The following ANK3 variants were observed in gnomAD, a reference collection of about 807,000 sequenced individuals.
The protein encoded by ANK3 is ankyrin 3.
ANK3 carries 57 observed loss-of-function variants against 370.9 expected under a neutral mutation model. The observed-to-expected ratio is 0.15, with a 90% CI of 0.12 to 0.19. The LOEUF is 0.19. Ranked by LOEUF, ANK3 falls within the 10% of genes least tolerant of loss-of-function variation. The pLI is 1.00. For missense variants in ANK3, 4,439 were observed against 5,302.1 expected (o/e 0.84, Z 5.06); for synonymous variants, 1,929 against 1,946.3 (o/e 0.99, Z 0.23).
At chr10:60,179,761 A>G (rs10821695) in intron 18 of ANK3, among the ~76,000 whole-genome samples, 42,601 of 151,204 alleles carry the variant, frequency 0.28, 6,161 homozygotes, top group African/African-American at 0.33. Flanking sequence ...GAGTCCTGAG[A>G]CTCGTACATC....
At chr10:60,463,526 T>C (rs1350819461) in intron 2 of ANK3, among the ~76,000 whole-genome samples, 1 of 152,198 alleles carries the variant, frequency 6.6e-6, no homozygotes, top group East Asian at 1.9e-4. Context: ...CTTCCTTGCA[T>C]TTCCCTATCT....
At position 60,051,664 on chromosome 10, in the gene ANK3, C is replaced by CTTT. The variant is rs35764181; in HGVS notation, c.13065+3991_13065+3993dup. 1.1e-3 allele frequency: 174 copies of CTTT among 151,666 alleles called. 1 individual carries two copies. The highest frequency in any genetic ancestry group is 1.5e-3 in the Non-Finnish European group (140 of 92,192). 9.4% of individuals were successfully genotyped at this position (151,666 alleles called of 1,614,324 possible). A position where few individuals can be genotyped will look rare whatever the true frequency, so the allele number is the denominator to read the frequency against. ...AATTACACTTACTTGATGTTTTCTT[C>CTTT]TTTTTTTTTTTTTTTTTTTGCCGAC... On this transcript the variant is annotated intron_variant, in intron 42 of 43. Transcript: ENST00000280772.
chr10:60,672,401 T>C (rs967703088), intron 1 of ANK3, among the ~76,000 whole-genome samples: 31 of 152,190 alleles, frequency 2.0e-4, no homozygotes, highest in African/African-American at 7.5e-4. Flanking sequence ...TCCCATCCTC[T>C]GGGAAGAGGC....
At chr10:60,444,961 A>G (rs2064403937) in intron 2 of ANK3, among the ~76,000 whole-genome samples, 1 of 152,174 alleles carries the variant, frequency 6.6e-6, no homozygotes, top group Non-Finnish European at 1.5e-5. Flanking sequence ...TAATATCACA[A>G]TTATATAGCT....
At chr10:60,308,038 T>A (rs2132833931) in intron 1 of ANK3, among the ~76,000 whole-genome samples, 1 of 152,266 alleles carries the variant, frequency 6.6e-6, no homozygotes, top group Admixed American at 6.5e-5. Context: ...ACTAAGGCCA[T>A]GACACAGACA....
At chr10:60,132,353 A>G (rs1162533331) in intron 25 of ANK3, among the ~76,000 whole-genome samples, 2 of 152,142 alleles carry the variant, frequency 1.3e-5, no homozygotes, top group African/African-American at 2.4e-5. Context: ...TAATTGAATC[A>G]TAGGGGCAGG....
At chr10:60,093,061 T>C (rs2089057785) in intron 28 of ANK3, among the ~76,000 whole-genome samples, 2 of 152,198 alleles carry the variant, frequency 1.3e-5, no homozygotes, top group African/African-American at 4.8e-5. Context: ...AAAGTTTTCC[T>C]ACAGAAAAAT....
chr10:60,620,709 G>A (rs1479162547), intron 1 of ANK3, among the ~76,000 whole-genome samples: 2 of 152,100 alleles, frequency 1.3e-5, no homozygotes, highest in African/African-American at 4.8e-5. Context: ...TTGTGTTATT[G>A]CTTTTTGTTC....
chr10:60,489,887 T>G lies in ANK3; in HGVS notation c.96+125299A>C, dbSNP rs548922652. Among the ~76,000 whole-genome samples the G allele has an allele frequency of 7.9e-5, 12 of 152,348 alleles. No individual in the cohort carries two copies. In the South Asian group the frequency reaches 2.3e-3, roughly 29 times the overall value. On this transcript the variant is annotated intron_variant, in intron 2 of 43. Coordinates refer to the ANK3 transcript ENST00000373827. ...CCTAGAATCTGAAGCTATGCTCATA[T>G]GTACTGAACAGGATAAAAACATTTT...
At chr10:60,290,548 T>C (rs376706581) in intron 1 of ANK3, among the ~76,000 whole-genome samples, 1 of 152,172 alleles carries the variant, frequency 6.6e-6, no homozygotes. Flanking sequence ...ATATTAGTAA[T>C]AATCACTGTC....
intron 26 of ANK3, among the ~76,000 whole-genome samples, chr10:60,110,801 G>T (rs1341990094): frequency 6.6e-6 from 1 of 152,186 alleles, no homozygotes; most frequent in African/African-American, 2.4e-5. Flanking sequence ...AATAGTAACA[G>T]AATGGATTTA....
Position 60,427,846 on chromosome 10 carries a change from C to G in ANK3, c.97-148207G>C, listed in dbSNP as rs886994961. 1.2e-4 allele frequency among the ~76,000 whole-genome samples: 19 copies of G among 152,208 alleles called. No individual in the cohort carries two copies. The Middle Eastern group carries it at 0.014, about 109-fold the overall frequency. ...GCTTTGATGTAGAGCTAGACTAGAA[C>G]CCAGATTTTCTGACAATGCACTGAA... On this transcript the variant is annotated intron_variant, in intron 2 of 43. Coordinates refer to the ANK3 transcript ENST00000373827.
chr10:60,271,786 C>G (rs891833847), intron 4 of ANK3, among the ~76,000 whole-genome samples: 1 of 151,642 alleles, frequency 6.6e-6, no homozygotes, highest in Non-Finnish European at 1.5e-5. Context: ...TTAAAAAGAT[C>G]CTCAAGCAGA....
chr10:60,140,516 T>A (rs2094515894), intron 23 of ANK3: 1 of 1,510,048 alleles, frequency 6.6e-7, no homozygotes, highest in Non-Finnish European at 8.8e-7. Flanking sequence ...CCTCTCAGCA[T>A]CTTGATATCC....
Position 60,105,924 on chromosome 10 carries a change from T to G in ANK3, c.3309A>C (p.Leu1103Phe). ...FDSKNEDLTE[L>F]LNGMDEELDS... ...TATTACCTTCATCCATGCCATTAAG[T>G]AACTCGGTTAAATCTTCATTTTTGC... The change falls in exon 28 of 44, where the codon TTA (leucine) becomes TTC (phenylalanine). Residue 1103 changes from leucine to phenylalanine, a missense_variant. By Grantham distance (22) the Leu-to-Phe change is conservative (BLOSUM62 0). This residue lies in a region of ANK3 where 702 missense variants were observed against 941.5 expected (regional missense o/e 0.75). Transcript: ENST00000280772. 6.2e-7 allele frequency: 1 copy of G among 1,611,064 alleles called. No homozygotes were observed. The highest frequency in any genetic ancestry group is 2.2e-5 in the East Asian group (1 of 44,612).
chr10:60,450,492 A>G (rs1287655003), intron 2 of ANK3, among the ~76,000 whole-genome samples: 1 of 152,210 alleles, frequency 6.6e-6, no homozygotes, highest in Non-Finnish European at 1.5e-5. Flanking sequence ...ACTTACAGGA[A>G]GAAGCATTGT....
At chr10:60,428,059 T>C (rs1427267670) in intron 2 of ANK3, among the ~76,000 whole-genome samples, 4 of 152,146 alleles carry the variant, frequency 2.6e-5, no homozygotes, top group South Asian at 4.1e-4. Context: ...CCTGCACTTA[T>C]CTTTTCCCAA....
intron 2 of ANK3, among the ~76,000 whole-genome samples, chr10:60,607,298 G>T (rs184241987): frequency 3.9e-5 from 6 of 152,258 alleles, no homozygotes; most frequent in African/African-American, 1.2e-4. Context: ...GAGGTAAAGT[G>T]TCTAGCCCAG....
chr10:60,035,599 A>G (rs1251934486), intron 43 of ANK3, among the ~76,000 whole-genome samples: 1 of 152,086 alleles, frequency 6.6e-6, no homozygotes, highest in African/African-American at 2.4e-5. Context: ...AAGGTTACAC[A>G]GCTAATATAT....
Sources: gnomAD v4.1 joint callset for allele counts (sites outside exome capture counted in the v4.1 genomes callset) on GRCh38, gnomAD v4.1.1 for gene constraint, gnomAD v4.1.1 regional missense constraint, MANE v1.5 for transcripts, NCBI Gene and HGNC (gene_info 2026-07-23, HGNC 2026-07-21) for gene names.